The following AGBL4 variants were observed in gnomAD, a reference collection of about 807,000 sequenced individuals.
AGBL4 encodes cytosolic carboxypeptidase 6.
AGBL4 carries 58 observed loss-of-function variants against 66.4 expected under a neutral mutation model. The ratio of observed to expected loss-of-function variants is 0.87; its 90% CI spans 0.71 to 1.09. The LOEUF is 1.09. Ranked by LOEUF, AGBL4 falls within the 50% of genes least tolerant of loss-of-function variation. The probability of loss-of-function intolerance (pLI) is 0.00; values close to 1 mark genes in which losing one functional copy is unlikely to be tolerated. For missense variants in AGBL4, 579 were observed against 631.0 expected (o/e 0.92, Z 0.88); for synonymous variants, 234 against 222.9 (o/e 1.05, Z -0.44).
chr1:48,707,496 G>A (rs932686918), intron 6 of AGBL4, among the ~76,000 whole-genome samples: 1 of 152,118 alleles, frequency 6.6e-6, no homozygotes, highest in African/African-American at 2.4e-5. Flanking sequence ...ATCAACACAT[G>A]CCTTGGGCAT....
chr1:49,724,371 A>G (rs190202741), intron 2 of AGBL4, among the ~76,000 whole-genome samples: 4 of 152,190 alleles, frequency 2.6e-5, no homozygotes, highest in Non-Finnish European at 5.9e-5. Context: ...TACAAACTGT[A>G]GGTCAACATA....
At position 49,078,299 on chromosome 1, in the gene AGBL4, T is replaced by A. The variant is rs142771535; in HGVS notation, c.378-32499A>T. ...GGGGCTTTAAAATACATATATATGA[T>A]GCTAACTCCAAAATATGTATCTCAC... On this transcript the variant is annotated intron_variant, in intron 4 of 13. Coordinates refer to ENST00000371839, the MANE Select transcript of AGBL4 (RefSeq NM_032785.4). 1.5e-3 allele frequency among the ~76,000 whole-genome samples: 221 copies of A among 152,304 alleles called. 1 individual carries two copies. The highest frequency in any genetic ancestry group is 5.2e-3 in the African/African-American group (216 of 41,574).
At chr1:49,105,951 A>G (rs1048723787) in intron 4 of AGBL4, among the ~76,000 whole-genome samples, 3 of 152,206 alleles carry the variant, frequency 2.0e-5, no homozygotes, top group Non-Finnish European at 4.4e-5. Flanking sequence ...TATAGAAAGG[A>G]CAAAGGAACA....
At chr1:48,714,582 A>C (rs1266139169) in intron 6 of AGBL4, among the ~76,000 whole-genome samples, 2 of 151,984 alleles carry the variant, frequency 1.3e-5, no homozygotes, top group Non-Finnish European at 2.9e-5. Context: ...GTTCTTCCTA[A>C]CTCCAGTCTC....
intron 6 of AGBL4, among the ~76,000 whole-genome samples, chr1:48,840,549 G>A (rs1646775628): frequency 6.6e-6 from 1 of 152,024 alleles, no homozygotes; most frequent in Non-Finnish European, 1.5e-5. Context: ...TAGACATTAG[G>A]GAAATGAGAA....
At chr1:49,880,630 C>T (rs1647206345) in intron 1 of AGBL4, among the ~76,000 whole-genome samples, 1 of 152,096 alleles carries the variant, frequency 6.6e-6, no homozygotes, top group African/African-American at 2.4e-5. Flanking sequence ...TGTGCCCTGC[C>T]CCCAGAGGTG....
chr1:49,412,729 A>G (rs1645342427), intron 3 of AGBL4, among the ~76,000 whole-genome samples: 1 of 152,234 alleles, frequency 6.6e-6, no homozygotes, highest in Non-Finnish European at 1.5e-5. Context: ...AGATGGTATT[A>G]GTTTGTAGAT....
At chr1:48,737,313 A>C (rs1280931258) in intron 6 of AGBL4, among the ~76,000 whole-genome samples, 1 of 152,152 alleles carries the variant, frequency 6.6e-6, no homozygotes, top group Non-Finnish European at 1.5e-5. Context: ...AGAAAAGAAA[A>C]AAAAATCATC....
intron 4 of AGBL4, among the ~76,000 whole-genome samples, chr1:49,196,732 G>C (rs1254143998): frequency 6.6e-6 from 1 of 151,732 alleles, no homozygotes; most frequent in African/African-American, 2.4e-5. Context: ...ATTTACTTTT[G>C]GTGGGGTGAG....
intron 5 of AGBL4, among the ~76,000 whole-genome samples, chr1:48,938,473 G>T (rs1235532674): frequency 9.2e-5 from 14 of 152,186 alleles, no homozygotes; most frequent in Admixed American, 9.2e-4. Context: ...TTCTTTAGAA[G>T]GAGTAGTTGG....
At chr1:49,881,005 G>T (rs956610005) in intron 1 of AGBL4, among the ~76,000 whole-genome samples, 3 of 152,244 alleles carry the variant, frequency 2.0e-5, no homozygotes, top group Admixed American at 2.0e-4. Context: ...GCAATGCCTT[G>T]CCCTGCTTAG....
chr1:49,919,324 A>C (rs969180525), intron 1 of AGBL4, among the ~76,000 whole-genome samples: 5 of 152,234 alleles, frequency 3.3e-5, no homozygotes, highest in African/African-American at 1.2e-4. Flanking sequence ...ATAATTGTAC[A>C]TTTAGAAAAC....
At chr1:48,812,313 A>G (rs146633664) in intron 6 of AGBL4, among the ~76,000 whole-genome samples, 2 of 152,126 alleles carry the variant, frequency 1.3e-5, no homozygotes, top group African/African-American at 4.8e-5. Flanking sequence ...ATTTTAGGTG[A>G]ATAGTCATTT....
At chr1:49,505,616 T>C (rs1253870819) in intron 3 of AGBL4, among the ~76,000 whole-genome samples, 1 of 152,052 alleles carries the variant, frequency 6.6e-6, no homozygotes, top group African/African-American at 2.4e-5. Flanking sequence ...CCTGGAACTC[T>C]CTTCCATGTG....
intron 1 of AGBL4, among the ~76,000 whole-genome samples, chr1:49,974,693 T>A (rs1658419036): frequency 6.6e-6 from 1 of 152,162 alleles, no homozygotes; most frequent in African/African-American, 2.4e-5. Context: ...TAATAGGATA[T>A]CTCCAAAGAG....
In AGBL4 at chr1:49,661,688, A is replaced by G. The variant is rs146238715; in HGVS notation, c.282+35625T>C. ...TCCTTTATAGCAATGCAAAAGAGACACGCACATCTATCAAGTGTTGGCCAG... is the reference window on the plus strand; with the variant it reads ...TCCTTTATAGCAATGCAAAAGAGACGCGCACATCTATCAAGTGTTGGCCAG... On this transcript the variant is annotated intron_variant, in intron 3 of 13. Transcript: ENST00000371839. Among the ~76,000 whole-genome samples, 284 of 152,266 alleles carry G rather than the reference A, an allele frequency of 1.9e-3. 2 individuals are homozygous for G. Among genetic ancestry groups the G allele is most frequent in the African/African-American group, 6.5e-3 (269 of 41,586 alleles).
chr1:49,605,795 T>C (rs979211747), intron 3 of AGBL4, among the ~76,000 whole-genome samples: 2 of 152,100 alleles, frequency 1.3e-5, no homozygotes, highest in African/African-American at 4.8e-5. Flanking sequence ...CCTAGACAGC[T>C]ATTCCAAAAA....
chr1:49,666,176 A>AC (rs1380182889), intron 3 of AGBL4, among the ~76,000 whole-genome samples: 1 of 151,824 alleles, frequency 6.6e-6, no homozygotes, highest in Non-Finnish European at 1.5e-5. Context: ...TATCTTGTAT[A>AC]CCCCTCTGCT....
chr1:48,836,930 A>T (rs1260487136), intron 6 of AGBL4, among the ~76,000 whole-genome samples: 1 of 149,930 alleles, frequency 6.7e-6, no homozygotes, highest in African/African-American at 2.4e-5. Context: ...ATGAGGGTTA[A>T]AAGATAATAA....
Sources: allele counts gnomAD v4.1 joint callset (sites outside exome capture counted in the v4.1 genomes callset), GRCh38; gene constraint gnomAD v4.1.1; transcripts MANE v1.5; gene names NCBI Gene and HGNC (gene_info 2026-07-23, HGNC 2026-07-21).